CDH12: variants seen among roughly 807,000 people sequenced by gnomAD.
CDH12 encodes cadherin 12, also known as cadherin-12.
Under a neutral mutation model 74.1 loss-of-function variants are expected in CDH12, and 41 were observed. The observed-to-expected ratio is 0.55, with a 90% CI of 0.43 to 0.72. The LOEUF (loss-of-function observed/expected upper bound fraction) is 0.72, where lower values mean the gene tolerates loss of function less well. Ranked by LOEUF, CDH12 falls within the 30% of genes least tolerant of loss-of-function variation. The probability of loss-of-function intolerance (pLI) is 0.00; values close to 1 mark genes in which losing one functional copy is unlikely to be tolerated. For missense variants in CDH12, 945 were observed against 977.2 expected (o/e 0.97, Z 0.44); for synonymous variants, 399 against 355.0 (o/e 1.12, Z -1.39).
chr5:22,609,851 A>C (rs1737306673), intron 1 of CDH12, among the ~76,000 whole-genome samples: 1 of 152,238 alleles, frequency 6.6e-6, no homozygotes, highest in Non-Finnish European at 1.5e-5. Flanking sequence ...GAGTAAGTCA[A>C]ATAAAGTAGC....
At chr5:22,692,465 G>T (rs1032004215) in intron 1 of CDH12, among the ~76,000 whole-genome samples, 5 of 151,868 alleles carry the variant, frequency 3.3e-5, no homozygotes, top group Admixed American at 1.3e-4. Context: ...TCAGTTCAAT[G>T]ATTACCACCA....
intron 3 of CDH12, among the ~76,000 whole-genome samples, chr5:22,325,003 A>G (rs1739027550): frequency 6.6e-6 from 1 of 152,198 alleles, no homozygotes; most frequent in South Asian, 2.1e-4. Context: ...ATTCATTAAA[A>G]ATTGACTCAA....
chr5:22,211,774 AT>A (rs555800989), intron 4 of CDH12, among the ~76,000 whole-genome samples: 57 of 150,934 alleles, frequency 3.8e-4, no homozygotes, highest in African/African-American at 1.1e-3. Flanking sequence ...CATAAAAAAG[AT>A]TTTTTTACAA....
At chr5:22,754,622 T>A in intron 1 of CDH12, among the ~76,000 whole-genome samples, 2 of 142,366 alleles carry the variant, frequency 1.4e-5, no homozygotes, top group African/African-American at 5.2e-5. Context: ...GATGAGAGAG[T>A]CAAGTCCTTA....
chr5:22,488,687 A>C (rs1746710744), intron 2 of CDH12, among the ~76,000 whole-genome samples: 1 of 152,120 alleles, frequency 6.6e-6, no homozygotes, highest in Non-Finnish European at 1.5e-5. Flanking sequence ...CAGACAACAA[A>C]GAACTGCACC....
intron 1 of CDH12, among the ~76,000 whole-genome samples, chr5:22,589,342 A>G (rs1740565489): frequency 6.6e-6 from 1 of 152,148 alleles, no homozygotes; most frequent in African/African-American, 2.4e-5. Flanking sequence ...AGTGGAGATC[A>G]GCCAAACAGA....
chr5:21,757,093 T>C (rs1450948403), intron 13 of CDH12, among the ~76,000 whole-genome samples: 1 of 152,164 alleles, frequency 6.6e-6, no homozygotes, highest in Non-Finnish European at 1.5e-5. Context: ...TGTCTGCACT[T>C]GGGAGAAGGT....
At chr5:22,352,322 T>C (rs1166060259) in intron 3 of CDH12, among the ~76,000 whole-genome samples, 2 of 152,162 alleles carry the variant, frequency 1.3e-5, no homozygotes, top group Non-Finnish European at 2.9e-5. Context: ...TTTCTTTTCA[T>C]ATCCCTGACC....
chr5:22,236,426 CTT>C (rs1487048057), intron 3 of CDH12, among the ~76,000 whole-genome samples: 1 of 151,980 alleles, frequency 6.6e-6, no homozygotes, highest in Non-Finnish European at 1.5e-5. Flanking sequence ...ACTTTTGAAA[CTT>C]TTTATTAAGA....
At chr5:21,908,047 C>A in intron 6 of CDH12, among the ~76,000 whole-genome samples, 1 of 152,086 alleles carries the variant, frequency 6.6e-6, no homozygotes, top group East Asian at 1.9e-4. Context: ...TTCTTTGTGC[C>A]GCTCTGATGG....
intron 5 of CDH12, among the ~76,000 whole-genome samples, chr5:22,059,342 T>C (rs1459555639): frequency 6.1e-5 from 6 of 97,950 alleles, no homozygotes; most frequent in African/African-American, 2.5e-4. Flanking sequence ...CTATCATCTA[T>C]CTATCTATCT....
chr5:22,392,772 G>T (rs1742297593), intron 3 of CDH12, among the ~76,000 whole-genome samples: 1 of 152,154 alleles, frequency 6.6e-6, no homozygotes, highest in African/African-American at 2.4e-5. Context: ...GTCTACAGAA[G>T]ATGTGATGCC....
chr5:21,985,956 C>T (rs552184632), intron 5 of CDH12, among the ~76,000 whole-genome samples: 4 of 152,238 alleles, frequency 2.6e-5, no homozygotes, highest in African/African-American at 7.2e-5. Context: ...CTATGCTAGT[C>T]TACTCTCCTG....
At chr5:22,489,330 T>A (rs1049892535) in intron 2 of CDH12, among the ~76,000 whole-genome samples, 1 of 151,736 alleles carries the variant, frequency 6.6e-6, no homozygotes, top group Admixed American at 6.6e-5. Flanking sequence ...GTGCTGGGAT[T>A]ACAGGCGTGA....
intron 4 of CDH12, among the ~76,000 whole-genome samples, chr5:22,194,493 G>C (rs1184495080): frequency 1.3e-5 from 2 of 151,440 alleles, no homozygotes; most frequent in Non-Finnish European, 2.9e-5. Context: ...CCCCATGCCC[G>C]CCTAATTTTT....
chr5:22,505,014 T>C (rs1432235657), intron 2 of CDH12, among the ~76,000 whole-genome samples: 2 of 151,606 alleles, frequency 1.3e-5, no homozygotes, highest in Non-Finnish European at 2.9e-5. Flanking sequence ...TGAGGAAAAA[T>C]AAAACAAAGA....
intron 1 of CDH12, among the ~76,000 whole-genome samples, chr5:22,552,039 G>C (rs1047880865): frequency 6.6e-6 from 1 of 152,020 alleles, no homozygotes; most frequent in African/African-American, 2.4e-5. Context: ...ATACAACCTG[G>C]GAGGCAGTGT....
intron 5 of CDH12, among the ~76,000 whole-genome samples, chr5:22,008,605 T>C (rs1173735310): frequency 1.3e-5 from 2 of 152,178 alleles, no homozygotes; most frequent in African/African-American, 4.8e-5. Context: ...TCGTATCCTT[T>C]GTTTTATCTA....
rs752017532 is a variant in CDH12 at position 22,221,019 on chromosome 5, G to GAC, written c.-332-8378_-332-8377dup. On this transcript the variant is annotated intron_variant, in intron 3 of 14. Transcript: ENST00000382254. The stretch of plus-strand genomic sequence containing the variant: ...ACACACACACACACAGACACACACA[G>GAC]ACACACACACATATACATATTTTAC... Among the ~76,000 whole-genome samples, 915 of 142,820 alleles carry GAC rather than the reference G, an allele frequency of 6.4e-3. 5 individuals carry two copies. Among genetic ancestry groups the GAC allele is most frequent in the Non-Finnish European group, 0.011 (678 of 62,900 alleles). The allele number at this position is 142,820 out of a possible 152,430, so 93.7% of individuals were successfully genotyped here.
Sources: allele counts gnomAD v4.1 joint callset (sites outside exome capture counted in the v4.1 genomes callset), GRCh38; gene constraint gnomAD v4.1.1; transcripts MANE v1.5; gene names NCBI Gene and HGNC (gene_info 2026-07-23, HGNC 2026-07-21).